TSHZ2: variants seen among roughly 807,000 people sequenced by gnomAD.
The protein encoded by TSHZ2 is teashirt homolog 2.
TSHZ2 carries 21 observed loss-of-function variants against 74.4 expected under a neutral mutation model. That is an observed-to-expected ratio of 0.28 (90% CI 0.20 to 0.41). The LOEUF is 0.41. Ranked by LOEUF, TSHZ2 falls within the 10% of genes least tolerant of loss-of-function variation. The pLI is 1.00. For synonymous variants in TSHZ2, 540 were observed against 515.3 expected, an observed-to-expected ratio of 1.05 and a Z score of -0.65; for missense variants, 1,244 against 1,293.5, an observed-to-expected ratio of 0.96 and a Z score of 0.59.
chr20:53,241,600 T>C (rs1053283226), intron 1 of TSHZ2, among the ~76,000 whole-genome samples: 1 of 152,028 alleles, frequency 6.6e-6, no homozygotes, highest in African/African-American at 2.4e-5. Flanking sequence ...ATACAAAAAA[T>C]CCTGAGAAAT....
chr20:52,995,715 C>T (rs968717418), intron 1 of TSHZ2, among the ~76,000 whole-genome samples: 4 of 150,520 alleles, frequency 2.7e-5, no homozygotes, highest in African/African-American at 9.8e-5. Context: ...CAGGTTCAAG[C>T]GATTCTCCTG....
At chr20:53,404,482 C>T (rs1293967311) in intron 2 of TSHZ2, among the ~76,000 whole-genome samples, 1 of 152,212 alleles carries the variant, frequency 6.6e-6, no homozygotes, top group Non-Finnish European at 1.5e-5. Flanking sequence ...TACTAAAAGA[C>T]ACTTGAAAGT....
intron 2 of TSHZ2, among the ~76,000 whole-genome samples, chr20:53,326,985 T>G (rs1243710385): frequency 6.6e-6 from 1 of 152,206 alleles, no homozygotes; most frequent in African/African-American, 2.4e-5. Flanking sequence ...GAAATAGAGC[T>G]TGTTCTGGAA....
intron 2 of TSHZ2, among the ~76,000 whole-genome samples, chr20:53,406,742 G>A (rs1982866899): frequency 6.6e-6 from 1 of 152,158 alleles, no homozygotes; most frequent in Admixed American, 6.5e-5. Flanking sequence ...AGCAAGTCAG[G>A]CGATGAAAGG....
At chr20:53,092,273 C>T (rs1333143958) in intron 1 of TSHZ2, among the ~76,000 whole-genome samples, 2 of 152,174 alleles carry the variant, frequency 1.3e-5, no homozygotes, top group Admixed American at 6.5e-5. Context: ...TCTGTGTTGT[C>T]ACATCCCTTT....
chr20:53,345,728 C>A (rs1429166983), intron 2 of TSHZ2, among the ~76,000 whole-genome samples: 1 of 150,524 alleles, frequency 6.6e-6, no homozygotes, highest in African/African-American at 2.5e-5. Context: ...GGCCAAGAGC[C>A]TCCTCCCTGC....
chr20:53,160,745 C>CAAAAAAA (rs10653039), intron 1 of TSHZ2, among the ~76,000 whole-genome samples: 9 of 95,844 alleles, frequency 9.4e-5, no homozygotes, highest in African/African-American at 3.0e-4. Flanking sequence ...ACTCTGTCTC[C>CAAAAAAA]AAAAAAAAAA....
rs188233114 is a variant in TSHZ2, at chr20:53,205,626, A to C, written c.41-47873A>C. Among the ~76,000 whole-genome samples the C allele has an allele frequency of 1.9e-3, 292 of 152,306 alleles. 2 individuals are homozygous for C. The highest frequency in any genetic ancestry group is 6.7e-3 in the African/African-American group (278 of 41,570). On this transcript the variant is annotated intron_variant, in intron 1 of 2. Transcript: ENST00000371497. ...CTTTACCTACAGGTTTTTCCTAGAC[A>C]TGAGATCCGAGCATATTTACCTGAA...
intron 2 of TSHZ2, among the ~76,000 whole-genome samples, chr20:53,340,602 T>C (rs1005968038): frequency 6.6e-6 from 1 of 152,160 alleles, no homozygotes; most frequent in Non-Finnish European, 1.5e-5. Flanking sequence ...TCAGTGGGGA[T>C]TGCATGGGAG....
intron 2 of TSHZ2, among the ~76,000 whole-genome samples, chr20:53,282,415 A>T (rs1991080307): frequency 6.6e-6 from 1 of 152,246 alleles, no homozygotes; most frequent in South Asian, 2.1e-4. Context: ...GCATTGACTG[A>T]GTACCTGCTG....
At position 53,256,095 on chromosome 20, in the gene TSHZ2, A is replaced by G. The variant is rs2123728492; in HGVS notation, c.2637A>G (p.Pro879=). 1.9e-6 allele frequency: 3 copies of G among 1,614,160 alleles called. No individual in the cohort carries two copies. The highest frequency in any genetic ancestry group is 4.5e-5 in the East Asian group (2 of 44,884). ...AATACCTGCTGTCTGATCTGGGCCC[A>G]CAAGAGCGTATGCAAATCTCTAAGT... ...EGKYLLSDLG[P]QERMQISKFT... The change falls in exon 2 of 3, where the codon CCA becomes CCG. Residue 879 remains proline, a synonymous_variant. Transcript: ENST00000371497. The surrounding 1 kb of genome is among the most constrained non-coding windows in gnomAD (Gnocchi z 4.3).
intron 1 of TSHZ2, among the ~76,000 whole-genome samples, chr20:53,110,528 A>G (rs1177886157): frequency 6.6e-6 from 1 of 152,148 alleles, no homozygotes; most frequent in Non-Finnish European, 1.5e-5. Context: ...CTAGTTGGGC[A>G]CCACTACTCT....
At chr20:53,124,064 C>G (rs181297319) in intron 1 of TSHZ2, among the ~76,000 whole-genome samples, 105 of 152,322 alleles carry the variant, frequency 6.9e-4, no homozygotes, top group Non-Finnish European at 1.2e-3. Context: ...CTCTTTTCCT[C>G]TGTTGACATA....
intron 2 of TSHZ2, among the ~76,000 whole-genome samples, chr20:53,279,203 A>C (rs1295575634): frequency 6.6e-6 from 1 of 152,230 alleles, no homozygotes; most frequent in East Asian, 1.9e-4. Flanking sequence ...TGGCAGAGGC[A>C]GAAGAAAATC....
chr20:53,177,429 C>T (rs1185558496), intron 1 of TSHZ2, among the ~76,000 whole-genome samples: 1 of 151,946 alleles, frequency 6.6e-6, no homozygotes, highest in Non-Finnish European at 1.5e-5. Flanking sequence ...GATTCTGATT[C>T]AGCAGATCTG....
intron 2 of TSHZ2, among the ~76,000 whole-genome samples, chr20:53,361,687 T>A (rs1663165843): frequency 6.6e-6 from 1 of 152,072 alleles, no homozygotes; most frequent in African/African-American, 2.4e-5. Context: ...GATTGAGAGG[T>A]GACACCGACA....
At chr20:53,190,989 T>C (rs1988723997) in intron 1 of TSHZ2, among the ~76,000 whole-genome samples, 2 of 152,164 alleles carry the variant, frequency 1.3e-5, no homozygotes, top group African/African-American at 4.8e-5. Flanking sequence ...TGCTAATGAA[T>C]GCTAAAGAAA....
intron 1 of TSHZ2, among the ~76,000 whole-genome samples, chr20:53,126,936 G>A (rs1007401912): frequency 2.6e-5 from 4 of 152,164 alleles, no homozygotes; most frequent in Admixed American, 6.5e-5. Flanking sequence ...TTTCGAGGAT[G>A]TTCTGTCCGT....
intron 2 of TSHZ2, among the ~76,000 whole-genome samples, chr20:53,328,432 C>T (rs1396531654): frequency 6.6e-6 from 1 of 152,174 alleles, no homozygotes; most frequent in Non-Finnish European, 1.5e-5. Flanking sequence ...ACTCTTTATT[C>T]CTGAGCTACT....
Sources: allele counts gnomAD v4.1 joint callset (sites outside exome capture counted in the v4.1 genomes callset), GRCh38; gene constraint gnomAD v4.1.1; non-coding constraint Gnocchi (gnomAD v3.1); transcripts MANE v1.5; gene names NCBI Gene and HGNC (gene_info 2026-07-23, HGNC 2026-07-21).